The following MTCL1 variants were observed in gnomAD, a reference collection of about 807,000 sequenced individuals.
MTCL1 encodes microtubule crosslinking factor 1, also known as microtubule cross-linking factor 1.
Under a neutral mutation model 141.4 loss-of-function variants are expected in MTCL1, and 79 were observed. The observed-to-expected ratio is 0.56, with a 90% CI of 0.47 to 0.67. MTCL1 has a LOEUF of 0.67. MTCL1 is among the 30% of genes least tolerant of loss of function. MTCL1 has a pLI of 0.00. For missense variants in MTCL1, 2,177 were observed against 2,113.9 expected, an observed-to-expected ratio of 1.03 and a Z score of -0.59; for synonymous variants, 914 against 875.8, an observed-to-expected ratio of 1.04 and a Z score of -0.77.
Position 8,720,502 on chromosome 18 carries a change from C to A in MTCL1, c.357+6C>A. The stretch of plus-strand genomic sequence containing the variant: ...AGCTGGAGAGACTGAAAGAGGTAAT[C>A]CAAAACTGTGGGGGTCCTGCCCCCT... On this transcript the variant is annotated splice_donor_region_variant and intron_variant, in intron 4 of 16. Coordinates refer to ENST00000359865, the Ensembl canonical transcript of MTCL1. 2 of 1,612,844 alleles carry A rather than the reference C, an allele frequency of 1.2e-6. No homozygotes were observed. The highest frequency in any genetic ancestry group is 1.7e-6 in the Non-Finnish European group (2 of 1,179,302).
chr18:8,770,552 T>A (rs778107621), intron 4 of MTCL1, among the ~76,000 whole-genome samples: 2 of 152,208 alleles, frequency 1.3e-5, no homozygotes, highest in African/African-American at 2.4e-5. Flanking sequence ...GGGTTCCACC[T>A]TCATGACCTC....
At chr18:8,789,731 A>G in intron 7 of MTCL1, 1 of 984,908 alleles carries the variant, frequency 1.0e-6, no homozygotes, top group African/African-American at 1.7e-5. Context: ...AGGTAAGTGA[A>G]CAAAAAAAGG....
chr18:8,766,390 A>G (rs2096460044), intron 4 of MTCL1, among the ~76,000 whole-genome samples: 1 of 152,028 alleles, frequency 6.6e-6, no homozygotes, highest in Admixed American at 6.5e-5. Context: ...TGCTGCAGGG[A>G]CACTGTGTAG....
At chr18:8,749,911 C>CTCTAAGAGTAACTTTACT (rs1417716822) in intron 4 of MTCL1, among the ~76,000 whole-genome samples, 1 of 152,182 alleles carries the variant, frequency 6.6e-6, no homozygotes, top group East Asian at 1.9e-4. Flanking sequence ...TAAAGCTTTG[C>CTCTAAGAGTAACTTTACT]TCTAAGAGTA....
intron 16 of MTCL1, chr18:8,829,022 C>G: frequency 6.2e-7 from 1 of 1,613,206 alleles, no homozygotes; most frequent in Non-Finnish European, 8.5e-7. Context: ...GTGTAACTCG[C>G]AGTTGGCACC....
At chr18:8,714,036 G>T, upstream of MTCL1, among the ~76,000 whole-genome samples, 1 of 152,302 alleles carries the variant, frequency 6.6e-6, no homozygotes, top group African/African-American at 2.4e-5. Context: ...GCTTTGTGTC[G>T]TCACTTGTCG....
intron 8 of MTCL1, among the ~76,000 whole-genome samples, chr18:8,795,920 C>T (rs1311955855): frequency 1.3e-5 from 2 of 152,096 alleles, no homozygotes; most frequent in South Asian, 2.1e-4. Flanking sequence ...AGTGGTAAGC[C>T]GCACTTCCAA....
At chr18:8,742,036 G>A (rs116155644) in intron 4 of MTCL1, among the ~76,000 whole-genome samples, 1,409 of 139,506 alleles carry the variant, frequency 0.01, 24 homozygotes, top group African/African-American at 0.029. Context: ...CTCTAATGCA[G>A]GGCAAAAAAA....
chr18:8,758,030 T>A, intron 4 of MTCL1, among the ~76,000 whole-genome samples: 1 of 151,410 alleles, frequency 6.6e-6, no homozygotes, highest in East Asian at 1.9e-4. Context: ...CTTTTTTTTT[T>A]TTTTTTTTTG....
At chr18:8,716,805 T>C (rs146981146), upstream of MTCL1, among the ~76,000 whole-genome samples, 7 of 152,254 alleles carry the variant, frequency 4.6e-5, no homozygotes, top group Non-Finnish European at 8.8e-5. Context: ...ACTGAGTGCA[T>C]GCTATTCTGG....
At chr18:8,735,508 G>T (rs1185672986) in intron 4 of MTCL1, among the ~76,000 whole-genome samples, 1 of 152,102 alleles carries the variant, frequency 6.6e-6, no homozygotes, top group Admixed American at 6.6e-5. Context: ...CCCCTTCAAA[G>T]GCCGGGTTTC....
chr18:8,786,435 C>T, intron 7 of MTCL1: 1 of 499,938 alleles, frequency 2.0e-6, no homozygotes, highest in Admixed American at 2.3e-5. Context: ...GATGAAAACC[C>T]AGCACGGGCT....
chr18:8,802,853 C>T (rs976404946), intron 10 of MTCL1, among the ~76,000 whole-genome samples: 1 of 152,158 alleles, frequency 6.6e-6, no homozygotes, highest in Non-Finnish European at 1.5e-5. Flanking sequence ...CTACACTCAC[C>T]AGATGTACAA....
chr18:8,753,370 A>C (rs1485444236), intron 4 of MTCL1, among the ~76,000 whole-genome samples: 1 of 152,228 alleles, frequency 6.6e-6, no homozygotes, highest in Non-Finnish European at 1.5e-5. Context: ...CTGTACTCAC[A>C]AGCTAACAAG....
chr18:8,820,373 G>C (rs2076805533), intron 13 of MTCL1, among the ~76,000 whole-genome samples: 1 of 151,982 alleles, frequency 6.6e-6, no homozygotes, highest in Non-Finnish European at 1.5e-5. Context: ...TCGCGCCACT[G>C]CACTCCAGCC....
chr18:8,775,147 G>A (rs2096501303), intron 4 of MTCL1, among the ~76,000 whole-genome samples: 1 of 152,144 alleles, frequency 6.6e-6, no homozygotes, highest in Admixed American at 6.5e-5. Context: ...TGAAAGCCAG[G>A]GACAGCAGGC....
At chr18:8,718,060 A>G (rs111793305) in intron 2 of MTCL1, 4 of 818,500 alleles carry the variant, frequency 4.9e-6, no homozygotes, top group Admixed American at 4.5e-5. Context: ...TACCTAGATT[A>G]TGCCTTAGAG....
At chr18:8,786,349 G>A (rs534067899) in intron 7 of MTCL1, 348 of 679,568 alleles carry the variant, frequency 5.1e-4, no homozygotes, top group South Asian at 1.6e-3. Flanking sequence ...TCCTGTTTCC[G>A]CAGACCGGGA....
chr18:8,774,416 CT>C (rs1245937318), intron 4 of MTCL1, among the ~76,000 whole-genome samples: 2 of 152,114 alleles, frequency 1.3e-5, no homozygotes, highest in Non-Finnish European at 2.9e-5. Context: ...TCTATGGTTT[CT>C]TTTATACAGG....
Sources: gnomAD v4.1 joint callset for allele counts (sites outside exome capture counted in the v4.1 genomes callset) on GRCh38, gnomAD v4.1.1 for gene constraint, MANE v1.5 for transcripts, NCBI Gene and HGNC (gene_info 2026-07-23, HGNC 2026-07-21) for gene names.